Variants in HEMK2 observed in about 807,000 individuals in gnomAD.
HEMK2 encodes the protein HemK methyltransferase 2, ETF1 glutamine and histone H4 lysine.
the HEMK2 span, among the ~76,000 whole-genome samples, chr21:28,666,175 T>C: frequency 0.23 from 34,779 of 152,100 alleles, 4,496 homozygotes; most frequent in East Asian, 0.38. Context: ...TGAGTTTGTT[T>C]CCATTTGTCT....
chr21:28,791,825 T>C, the HEMK2 span, among the ~76,000 whole-genome samples: 5 of 152,082 alleles, frequency 3.3e-5, no homozygotes, highest in Non-Finnish European at 7.4e-5. Flanking sequence ...TGAGACCTGC[T>C]GGGCTGTATT....
the HEMK2 span, among the ~76,000 whole-genome samples, chr21:28,683,312 TAAA>T: frequency 6.6e-6 from 1 of 152,078 alleles, no homozygotes. Flanking sequence ...ACAATATTCA[TAAA>T]GAAATAGGTC....
At chr21:28,605,031 G>A in the HEMK2 span, among the ~76,000 whole-genome samples, 2 of 152,168 alleles carry the variant, frequency 1.3e-5, no homozygotes, top group African/African-American at 4.8e-5. Context: ...CTGATTTTAG[G>A]CATGTATCAT....
chr21:28,628,352 T>C, the HEMK2 span, among the ~76,000 whole-genome samples: 27 of 152,340 alleles, frequency 1.8e-4, no homozygotes, highest in Non-Finnish European at 3.7e-4. Flanking sequence ...GCAACCACTA[T>C]GAGTTAAGAA....
chr21:28,753,301 G>A, the HEMK2 span, among the ~76,000 whole-genome samples: 1 of 147,886 alleles, frequency 6.8e-6, no homozygotes, highest in Admixed American at 7.0e-5. Flanking sequence ...AAGTCGCAGT[G>A]AACTGAGATT....
the HEMK2 span, among the ~76,000 whole-genome samples, chr21:28,729,121 A>G: frequency 0.49 from 74,435 of 151,776 alleles, 20,727 homozygotes; most frequent in East Asian, 0.78. Flanking sequence ...GTCTTTAATT[A>G]TTTAATAATC....
chr21:28,594,642 T>C, the HEMK2 span, among the ~76,000 whole-genome samples: 2 of 152,248 alleles, frequency 1.3e-5, no homozygotes, highest in African/African-American at 2.4e-5. Context: ...ACTTTCATTA[T>C]AATTTCAAAA....
the HEMK2 span, among the ~76,000 whole-genome samples, chr21:28,708,876 T>TTA: frequency 6.6e-6 from 1 of 151,988 alleles, no homozygotes; most frequent in East Asian, 1.9e-4. Flanking sequence ...AAAGGAAAGG[T>TTA]TATATGTGTA....
chr21:28,673,093 A>C, the HEMK2 span, among the ~76,000 whole-genome samples: 244 of 150,454 alleles, frequency 1.6e-3, 1 homozygote, highest in Non-Finnish European at 3.1e-3. Context: ...AGAGGGAGGA[A>C]GGAAGAAAGA....
At chr21:28,778,267 T>C in the HEMK2 span, among the ~76,000 whole-genome samples, 1 of 152,274 alleles carries the variant, frequency 6.6e-6, no homozygotes, top group Non-Finnish European at 1.5e-5. Flanking sequence ...TCCCTGGAGA[T>C]TCATCCAAGT....
chr21:28,803,215 T>C, the HEMK2 span, among the ~76,000 whole-genome samples: 1 of 152,302 alleles, frequency 6.6e-6, no homozygotes, highest in East Asian at 1.9e-4. Context: ...CACATACACT[T>C]CATGTTCTGT....
the HEMK2 span, among the ~76,000 whole-genome samples, chr21:28,838,961 AAAAAAAAAAAAATATATATAT>A: frequency 1.4e-5 from 1 of 71,248 alleles, no homozygotes; most frequent in African/African-American, 6.2e-5. Context: ...AAAAAAAAAA[AAAAAAAAAAAAATATATATAT>A]ATATATATAT....
the HEMK2 span, among the ~76,000 whole-genome samples, chr21:28,832,450 A>G: frequency 6.6e-6 from 1 of 152,228 alleles, no homozygotes; most frequent in Non-Finnish European, 1.5e-5. Context: ...CCGGAAGCAA[A>G]AATGTTGAAA....
At chr21:28,820,390 C>T in the HEMK2 span, among the ~76,000 whole-genome samples, 6 of 152,274 alleles carry the variant, frequency 3.9e-5, no homozygotes, top group Non-Finnish European at 7.4e-5. Flanking sequence ...TTAACTGAAC[C>T]CATATTGCAA....
At chr21:28,608,617 G>A in the HEMK2 span, among the ~76,000 whole-genome samples, 1 of 152,202 alleles carries the variant, frequency 6.6e-6, no homozygotes, top group Non-Finnish European at 1.5e-5. Flanking sequence ...GGAACTGTGA[G>A]TTGGCTTGCT....
At chr21:28,835,442 G>A in the HEMK2 span, among the ~76,000 whole-genome samples, 2 of 152,130 alleles carry the variant, frequency 1.3e-5, no homozygotes, top group African/African-American at 4.8e-5. Context: ...AGGAAAAGGG[G>A]GAGAGTACTA....
chr21:28,603,458 A>G, the HEMK2 span, among the ~76,000 whole-genome samples: 35 of 151,500 alleles, frequency 2.3e-4, no homozygotes, highest in African/African-American at 8.0e-4. Flanking sequence ...CCACAATATT[A>G]TTTTACTGAG....
the HEMK2 span, among the ~76,000 whole-genome samples, chr21:28,815,912 T>C: frequency 5.3e-5 from 8 of 152,138 alleles, no homozygotes; most frequent in Non-Finnish European, 1.0e-4. Flanking sequence ...CCCTAGTACC[T>C]CAAAAATGTG....
At chr21:28,766,909 T>C in the HEMK2 span, among the ~76,000 whole-genome samples, 1 of 151,996 alleles carries the variant, frequency 6.6e-6, no homozygotes, top group Admixed American at 6.6e-5. Flanking sequence ...TGTACACTGC[T>C]TGGGCAATGG....
Sources: allele counts gnomAD v4.1 joint callset (sites outside exome capture counted in the v4.1 genomes callset), GRCh38; gene constraint gnomAD v4.1.1; transcripts MANE v1.5; gene names NCBI Gene and HGNC (gene_info 2026-07-23, HGNC 2026-07-21).